The following MYO18B variants were observed in gnomAD, a reference collection of about 807,000 sequenced individuals.
MYO18B encodes the protein myosin XVIIIB.
Under a neutral mutation model 273.0 loss-of-function variants are expected in MYO18B, and 204 were observed. The observed-to-expected ratio is 0.75, with a 90% CI of 0.67 to 0.84. The LOEUF (loss-of-function observed/expected upper bound fraction) is 0.84. Among genes scored for constraint, MYO18B ranks in the 40% least tolerant of loss-of-function variants. The probability of loss-of-function intolerance (pLI) is 0.00; values close to 1 mark genes in which losing one functional copy is unlikely to be tolerated. For missense variants in MYO18B, 3,212 were observed against 3,287.6 expected (o/e 0.98, Z 0.56); for synonymous variants, 1,330 against 1,305.7 (o/e 1.02, Z -0.40).
intron 34 of MYO18B, among the ~76,000 whole-genome samples, chr22:25,927,369 C>T (rs969568217): frequency 2.6e-5 from 4 of 152,116 alleles, no homozygotes; most frequent in South Asian, 2.1e-4. Flanking sequence ...CCCCTAGGTG[C>T]GCCTGTCTCT....
downstream of MYO18B, among the ~76,000 whole-genome samples, chr22:26,033,634 C>T (rs1569316658): frequency 6.6e-6 from 1 of 152,140 alleles, no homozygotes; most frequent in South Asian, 2.1e-4. Context: ...AAGTTGACAA[C>T]CATCCCCATG....
chr22:25,956,501 C>A (rs1297116156), intron 39 of MYO18B, among the ~76,000 whole-genome samples: 2 of 152,200 alleles, frequency 1.3e-5, no homozygotes, highest in East Asian at 3.8e-4. Flanking sequence ...CAAGTGTGAG[C>A]CACTGCGCCC....
chr22:25,802,367 T>C (rs1236120954), intron 12 of MYO18B, among the ~76,000 whole-genome samples: 1 of 152,134 alleles, frequency 6.6e-6, no homozygotes, highest in African/African-American at 2.4e-5. Flanking sequence ...CTTTAGGGGT[T>C]TCCATGGAGG....
intron 39 of MYO18B, among the ~76,000 whole-genome samples, chr22:25,974,852 C>T (rs956632722): frequency 5.3e-5 from 8 of 152,210 alleles, no homozygotes; most frequent in African/African-American, 1.9e-4. Flanking sequence ...GTTCAGTCCA[C>T]TGTCTGTCCC....
At position 25,770,119 on chromosome 22, in the gene MYO18B, G is replaced by A; in HGVS notation, c.1522G>A (p.Asp508Asn). 6.2e-7 allele frequency: 1 copy of A among 1,613,936 alleles called. No individual in the cohort carries two copies. Among genetic ancestry groups the A allele is most frequent in the Non-Finnish European group, 8.5e-7 (1 of 1,179,870 alleles). Residue 508 changes from aspartate to asparagine, a missense_variant, in exon 5 of 44, where the codon GAC becomes AAC. Transcript: ENST00000335473. Reference sequence around the variant, plus strand: ...TGATGTTGGTTCTCAGGCTCCTGAGGACAGATGGTATGAGGCAGAGAAAGT... The same window carrying A: ...TGATGTTGGTTCTCAGGCTCCTGAGAACAGATGGTATGAGGCAGAGAAAGT... ...QSRDSDQAPE[D>N]RWYEAEKVWL...
intron 10 of MYO18B, among the ~76,000 whole-genome samples, chr22:25,783,812 G>C (rs1386740771): frequency 6.6e-6 from 1 of 152,198 alleles, no homozygotes; most frequent in Non-Finnish European, 1.5e-5. Context: ...ATGAGTTTCA[G>C]GGACCCTAAG....
intron 42 of MYO18B, among the ~76,000 whole-genome samples, chr22:26,007,946 T>G (rs1274578012): frequency 6.6e-6 from 1 of 152,216 alleles, no homozygotes; most frequent in Non-Finnish European, 1.5e-5. Flanking sequence ...TGTATATCCT[T>G]CTCTATCTTT....
At chr22:25,794,756 G>A (rs945172121) in intron 11 of MYO18B, among the ~76,000 whole-genome samples, 2 of 146,072 alleles carry the variant, frequency 1.4e-5, no homozygotes, top group African/African-American at 2.5e-5. Flanking sequence ...CATCCATCTC[G>A]GCCTCCCAAA....
intron 36 of MYO18B, among the ~76,000 whole-genome samples, chr22:25,948,335 A>G (rs1227347659): frequency 6.6e-6 from 1 of 151,882 alleles, no homozygotes; most frequent in African/African-American, 2.4e-5. Context: ...CCATTCATCC[A>G]TCCTACCACC....
intron 12 of MYO18B, among the ~76,000 whole-genome samples, chr22:25,822,979 A>G (rs997342335): frequency 3.3e-5 from 5 of 152,166 alleles, no homozygotes; most frequent in African/African-American, 7.2e-5. Flanking sequence ...GGTGGTGCCA[A>G]GGTTGTCTGG....
chr22:25,946,235 G>A lies in MYO18B; in HGVS notation c.5616G>A (p.Thr1872=), dbSNP rs1229217295. ...ESMHSELENM[T]RNKSLVDEQL... is the part of the protein sequence containing the mutation. ...TGCACAGCGAGCTGGAGAACATGAC[G>A]CGGAACAAGAGCCTGGTACCTGTCC... is the stretch of plus-strand genomic sequence containing the variant. The change falls in exon 35 of 44, where the codon ACG becomes ACA. Residue 1872 remains threonine, a synonymous_variant. Transcript: ENST00000335473. The A allele has an allele frequency of 1.1e-5, 18 of 1,575,776 alleles. No individual in the cohort carries two copies. The highest frequency in any genetic ancestry group is 5.5e-5 in the African/African-American group (4 of 72,980).
chr22:25,834,238 C>A (rs1465640250), intron 16 of MYO18B, among the ~76,000 whole-genome samples: 1 of 151,906 alleles, frequency 6.6e-6, no homozygotes, highest in Non-Finnish European at 1.5e-5. Context: ...CTTCTGCCTC[C>A]CGGATTCAAG....
intron 10 of MYO18B, 101 bp downstream of exon 10, chr22:25,781,935 G>T (rs531818285): frequency 1.3e-6 from 1 of 744,668 alleles, no homozygotes; most frequent in Admixed American, 3.9e-5. Flanking sequence ...CTGAGAGGCC[G>T]TGGGACCCAG....
intron 20 of MYO18B, among the ~76,000 whole-genome samples, chr22:25,848,850 C>T (rs2090336165): frequency 6.6e-6 from 1 of 152,148 alleles, no homozygotes; most frequent in African/African-American, 2.4e-5. Context: ...CAGGTGAGCA[C>T]CTCATTTGGT....
intron 15 of MYO18B, among the ~76,000 whole-genome samples, chr22:25,831,575 G>T (rs985006362): frequency 1.3e-5 from 2 of 152,098 alleles, no homozygotes; most frequent in Non-Finnish European, 2.9e-5. Flanking sequence ...TAGCGATGGG[G>T]TTTCACCATG....
At chr22:25,855,957 G>A (rs930502642) in intron 21 of MYO18B, among the ~76,000 whole-genome samples, 4 of 151,974 alleles carry the variant, frequency 2.6e-5, no homozygotes, top group African/African-American at 7.3e-5. Flanking sequence ...AGCATGGTAC[G>A]CAATAGGTAG....
chr22:25,755,778 C>T (rs1456665688), intron 1 of MYO18B, among the ~76,000 whole-genome samples: 4 of 152,332 alleles, frequency 2.6e-5, no homozygotes, highest in East Asian at 1.9e-4. Context: ...TCTCTCATCA[C>T]GTGATGCCAG....
At chr22:25,780,245 G>A (rs994459586) in intron 9 of MYO18B, 47 bp downstream of exon 9, 3 of 1,566,480 alleles carry the variant, frequency 1.9e-6, no homozygotes, top group African/African-American at 2.7e-5. Flanking sequence ...GGGCTGCTGT[G>A]TCTCTAACCC....
rs544349645 is a variant in MYO18B, at chr22:25,813,206, C to T, written c.2522-10299C>T. On this transcript the variant is annotated intron_variant, in intron 12 of 43. Coordinates refer to ENST00000335473, the MANE Select transcript of MYO18B (RefSeq NM_032608.7). ...TTCCTTTTTTTTTTTTTTTTTGAGA[C>T]GGAGTTTCGCTCTTGTTGCCCAGGC... Among the ~76,000 whole-genome samples the T allele has an allele frequency of 2.4e-4, 30 of 124,998 alleles. 1 individual carries two copies. The South Asian group carries it at 3.8e-3, about 16-fold the overall frequency. 82.0% of individuals were successfully genotyped at this position (124,998 alleles called of 152,430 possible).
Sources: allele counts gnomAD v4.1 joint callset (sites outside exome capture counted in the v4.1 genomes callset), GRCh38; gene constraint gnomAD v4.1.1; transcripts MANE v1.5; gene names NCBI Gene and HGNC (gene_info 2026-07-23, HGNC 2026-07-21).